Variants in ITGB2 observed in about 807,000 individuals in gnomAD.
ITGB2 encodes the protein integrin beta-2.
In ITGB2, 56 loss-of-function variants were observed where a neutral mutation model predicts 86.8. The observed-to-expected ratio is 0.65, with a 90% CI of 0.52 to 0.81. ITGB2 has a LOEUF of 0.81. Among genes scored for constraint, ITGB2 ranks in the 30% least tolerant of loss-of-function variants. The pLI, the probability that ITGB2 is intolerant of heterozygous loss-of-function variation, is 0.00. For missense variants in ITGB2, 948 were observed against 1,061.2 expected (o/e 0.89, Z 1.48); for synonymous variants, 457 against 450.4 (o/e 1.01, Z -0.19).
Position 44,910,368 on chromosome 21 carries a change from G to C in ITGB2, c.63C>G (p.Leu21=). 6.2e-7 allele frequency: 1 copy of C among 1,614,168 alleles called. No individual in the cohort carries two copies. Among genetic ancestry groups the C allele is most frequent in the Non-Finnish European group, 8.5e-7 (1 of 1,180,024 alleles). Residue 21 remains leucine, a synonymous_variant, in exon 3 of 16, where the codon CTC becomes CTG. Coordinates refer to ENST00000652462, the MANE Select transcript of ITGB2 (RefSeq NM_000211.5). ...LVGLLSLGCV[L]SQECTKFKVS... ...CCTTGAACTTCGTGCACTCCTGAGA[G>C]AGGACTGAGGGACGAGGCCGGCTGG...
intron 9 of ITGB2, chr21:44,894,307 GC>G (rs1238042980): frequency 6.1e-6 from 1 of 163,530 alleles, no homozygotes. Flanking sequence ...CCTCAAGCCA[GC>G]AGGACCTTTG....
intron 4 of ITGB2, among the ~76,000 whole-genome samples, chr21:44,904,390 TACTC>T (rs1475889127): frequency 2.7e-5 from 4 of 149,490 alleles, no homozygotes; most frequent in Non-Finnish European, 3.0e-5. Flanking sequence ...ACACACACAA[TACTC>T]ACACACAAAT....
At chr21:44,892,775 A>ATGAT (rs1401588232) in intron 10 of ITGB2, 1 of 153,152 alleles carries the variant, frequency 6.5e-6, no homozygotes, top group Non-Finnish European at 1.5e-5. Flanking sequence ...GAAACAACAA[A>ATGAT]TGATTGGATA....
At chr21:44,915,287 G>C (rs1318826695) in intron 1 of ITGB2, among the ~76,000 whole-genome samples, 1 of 152,162 alleles carries the variant, frequency 6.6e-6, no homozygotes, top group Non-Finnish European at 1.5e-5. Flanking sequence ...GCCTCCCAAA[G>C]TGCTGGGATT....
chr21:44,909,948 C>T (rs79840370), intron 3 of ITGB2, among the ~76,000 whole-genome samples: 3,024 of 152,298 alleles, frequency 0.02, 74 homozygotes, highest in African/African-American at 0.062. Flanking sequence ...GCCAGAAGCG[C>T]GCGTGTTTCT....
At chr21:44,919,598 C>A (rs1369800131) in intron 1 of ITGB2, among the ~76,000 whole-genome samples, 1 of 152,214 alleles carries the variant, frequency 6.6e-6, no homozygotes, top group East Asian at 1.9e-4. Context: ...CCTCAGCCCC[C>A]AAACCCGCAG....
At chr21:44,892,361 T>G (rs971425388) in intron 10 of ITGB2, among the ~76,000 whole-genome samples, 1 of 148,222 alleles carries the variant, frequency 6.7e-6, no homozygotes, top group African/African-American at 2.5e-5. Context: ...GGCTCACGCC[T>G]GTAATCCCAG....
At chr21:44,899,197 G>T in intron 7 of ITGB2, 35 bp from the exon 8 acceptor site, 7 of 1,524,852 alleles carry the variant, frequency 4.6e-6, no homozygotes, top group Non-Finnish European at 5.4e-6. Context: ...TTGGCCCCGA[G>T]TCCAGGACAA....
chr21:44,928,631 T>C (rs113492083), intron 1 of ITGB2: 13 of 139,026 alleles, frequency 9.4e-5, no homozygotes, highest in Non-Finnish European at 1.5e-4. Flanking sequence ...CGGGTCGGGT[T>C]GGGTCGGGTG....
chr21:44,895,657 A>G (rs1424174543), intron 8 of ITGB2, among the ~76,000 whole-genome samples: 4 of 152,068 alleles, frequency 2.6e-5, no homozygotes, highest in Admixed American at 6.5e-5. Context: ...CCTGGCCAAC[A>G]TGGTGAAACC....
chr21:44,910,290 C>G lies in ITGB2; in HGVS notation c.141G>C (p.Gln47His), dbSNP rs1473333878. Residue 47 changes from glutamine (Q) to histidine (H), a missense_variant, in exon 3 of 16, where the codon CAG becomes CAC. Gln to His is a conservative substitution (Grantham distance 24). Transcript: ENST00000652462. ...GGGTCCAGGAGGCACTTACCAGCTT[C>G]TGGCACCAGGTGCAGCCGGGCCCCG... ...IESGPGCTWC[Q>H]KLNFTGPGDP... 6.2e-7 allele frequency: 1 copy of G among 1,614,040 alleles called. No homozygotes were observed. The highest frequency in any genetic ancestry group is 1.7e-5 in the Admixed American group (1 of 60,010).
At chr21:44,918,338 C>T (rs1164613053) in intron 1 of ITGB2, among the ~76,000 whole-genome samples, 1 of 152,266 alleles carries the variant, frequency 6.6e-6, no homozygotes, top group Non-Finnish European at 1.5e-5. Context: ...CCACAGGCGT[C>T]ACGCTGCCCC....
Position 44,900,446 on chromosome 21 carries a change from C to A in ITGB2, c.771G>T (p.Arg257=). 6.2e-7 allele frequency: 1 copy of A among 1,613,994 alleles called. No individual in the cohort carries two copies. Among genetic ancestry groups the A allele is most frequent in the Non-Finnish European group, 8.5e-7 (1 of 1,179,946 alleles). Residue 257 remains arginine (R), a synonymous_variant, in exon 7 of 16, where the codon CGG becomes CGT. Coordinates refer to ENST00000652462, the MANE Select transcript of ITGB2 (RefSeq NM_000211.5). ...CGTCATCAGTGGCAAACACCAGCAG[C>A]CGCGTGACGTTGCGCCAGCCGATTT... is the stretch of plus-strand genomic sequence containing the variant. ...PEEIGWRNVT[R]LLVFATDDGF...
intron 14 of ITGB2, among the ~76,000 whole-genome samples, chr21:44,888,265 A>G (rs1474424230): frequency 6.6e-6 from 1 of 152,184 alleles, no homozygotes; most frequent in Admixed American, 6.5e-5. Context: ...CAGGGCTGAG[A>G]GCCGAGCACC....
intron 10 of ITGB2, chr21:44,892,798 C>T (rs2083808033): frequency 6.5e-6 from 1 of 153,918 alleles, no homozygotes; most frequent in African/African-American, 2.4e-5. Context: ...AAACTTAAAC[C>T]TGAAAGATTA....
intron 1 of ITGB2, among the ~76,000 whole-genome samples, chr21:44,917,587 C>A (rs745899831): frequency 6.6e-6 from 1 of 152,186 alleles, no homozygotes; most frequent in Non-Finnish European, 1.5e-5. Context: ...GGGCTTGTTG[C>A]CACTGTCACT....
chr21:44,906,403 G>A (rs1033729586), intron 4 of ITGB2, among the ~76,000 whole-genome samples: 6 of 152,100 alleles, frequency 3.9e-5, no homozygotes, highest in African/African-American at 7.2e-5. Context: ...TTACAGGCGT[G>A]AGCCACCGAT....
Position 44,917,856 on chromosome 21 carries a change from ACT to A in ITGB2, c.-4+2963_-4+2964del, listed in dbSNP as rs1407037129. On this transcript the variant is annotated intron_variant, in intron 1 of 15. Transcript: ENST00000652462. ...GTTCCCCTGGGGCTAACTCTTCTGC[ACT>A]CTCAGACCCTGAATGGCCGGAGAGA... Among the ~76,000 whole-genome samples the A allele has an allele frequency of 1.3e-4, 20 of 152,248 alleles. No individual in the cohort carries two copies. The East Asian group carries it at 3.9e-3, about 29-fold the overall frequency.
chr21:44,899,978 G>T (rs188185123), intron 7 of ITGB2, among the ~76,000 whole-genome samples: 2 of 152,312 alleles, frequency 1.3e-5, no homozygotes, highest in South Asian at 2.1e-4. Context: ...GGCCAGAGGC[G>T]GGGACGGCAG....
Sources: gnomAD v4.1 joint callset for allele counts (sites outside exome capture counted in the v4.1 genomes callset) on GRCh38, gnomAD v4.1.1 for gene constraint, MANE v1.5 for transcripts, NCBI Gene and HGNC (gene_info 2026-07-23, HGNC 2026-07-21) for gene names.